FAM227B: variants seen among roughly 807,000 people sequenced by gnomAD.
The protein encoded by FAM227B is protein FAM227B.
Under a neutral mutation model 73.8 loss-of-function variants are expected in FAM227B, and 88 were observed. The observed-to-expected ratio is 1.19, with a 90% CI of 1.00 to 1.42. The LOEUF is 1.42. FAM227B is among the 40% of genes most tolerant of loss of function. FAM227B has a pLI of 0.00. For synonymous variants in FAM227B, 210 were observed against 190.5 expected (o/e 1.10, Z -0.84); for missense variants, 632 against 590.9 (o/e 1.07, Z -0.72).
intron 13 of FAM227B, chr15:49,354,007 T>G (rs1195104544): frequency 6.6e-6 from 1 of 152,206 alleles, no homozygotes; most frequent in East Asian, 1.9e-4. Flanking sequence ...TAAATAATGG[T>G]AAAAAGAATA....
intron 11 of FAM227B, among the ~76,000 whole-genome samples, chr15:49,392,910 G>C (rs941596941): frequency 6.6e-6 from 1 of 152,126 alleles, no homozygotes; most frequent in African/African-American, 2.4e-5. Flanking sequence ...AATTGGAAGA[G>C]AGAATTTTGA....
At chr15:49,538,706 G>A (rs2070622575) in intron 10 of FAM227B, among the ~76,000 whole-genome samples, 1 of 151,922 alleles carries the variant, frequency 6.6e-6, no homozygotes, top group Non-Finnish European at 1.5e-5. Flanking sequence ...AGAGTTCACA[G>A]ATTCTTTCTT....
intron 13 of FAM227B, among the ~76,000 whole-genome samples, chr15:49,362,401 C>G (rs982394092): frequency 6.6e-6 from 1 of 152,190 alleles, no homozygotes; most frequent in African/African-American, 2.4e-5. Context: ...GTCATGCTTC[C>G]TGTTAAACCT....
intron 10 of FAM227B, among the ~76,000 whole-genome samples, chr15:49,516,219 G>A (rs1005486931): frequency 6.6e-6 from 1 of 152,006 alleles, no homozygotes; most frequent in African/African-American, 2.4e-5. Context: ...CATTCTCCCA[G>A]ACATTCTCAG....
At chr15:49,354,389 G>T (rs1186372784) in intron 13 of FAM227B, among the ~76,000 whole-genome samples, 13 of 152,110 alleles carry the variant, frequency 8.5e-5, no homozygotes, top group African/African-American at 1.7e-4. Flanking sequence ...GTGGGTGCGC[G>T]CACCGTGCGT....
At chr15:49,466,747 G>C (rs914111416) in intron 11 of FAM227B, among the ~76,000 whole-genome samples, 2 of 152,066 alleles carry the variant, frequency 1.3e-5, no homozygotes, top group Admixed American at 1.3e-4. Context: ...ATATAGAGAG[G>C]AAACATAATT....
At chr15:49,543,768 CT>C (rs2071419313) in intron 9 of FAM227B, among the ~76,000 whole-genome samples, 1 of 152,154 alleles carries the variant, frequency 6.6e-6, no homozygotes, top group South Asian at 2.1e-4. Flanking sequence ...CCTTTTCCCA[CT>C]TTATGTTTTT....
intron 10 of FAM227B, among the ~76,000 whole-genome samples, chr15:49,525,893 A>G (rs2060166083): frequency 6.6e-6 from 1 of 151,666 alleles, no homozygotes; most frequent in African/African-American, 2.4e-5. Flanking sequence ...TGGAGCACAA[A>G]GATTCATAAA....
At chr15:49,347,995 G>A (rs2041755589) in intron 13 of FAM227B, among the ~76,000 whole-genome samples, 1 of 146,700 alleles carries the variant, frequency 6.8e-6, no homozygotes, top group African/African-American at 2.5e-5. Flanking sequence ...CTCCAGCCTG[G>A]GTGACAAGAG....
chr15:49,463,399 CA>C (rs1254001652), intron 11 of FAM227B, among the ~76,000 whole-genome samples: 4 of 151,824 alleles, frequency 2.6e-5, no homozygotes, highest in African/African-American at 9.7e-5. Flanking sequence ...ACTAAAAATA[CA>C]AAAATTACCT....
At chr15:49,510,882 C>A (rs1376556600) in intron 10 of FAM227B, among the ~76,000 whole-genome samples, 1 of 151,978 alleles carries the variant, frequency 6.6e-6, no homozygotes, top group East Asian at 1.9e-4. Context: ...AGACATTGTT[C>A]CATTCTCTTC....
intron 11 of FAM227B, among the ~76,000 whole-genome samples, chr15:49,476,232 G>GTTTTTTTTTTTTATTTTTTTTTTTTTTT (rs2055281658): frequency 1.7e-5 from 1 of 57,440 alleles, no homozygotes; most frequent in Non-Finnish European, 3.6e-5. Context: ...TTTGTTTTTG[G>GTTTTTTTTTTTTATTTTTTTTTTTTTTT]TTTTTTTTTT....
rs563566987 is a variant in FAM227B, at chr15:49,524,058, G to A, written c.875-15710C>T. 6.6e-5 allele frequency among the ~76,000 whole-genome samples: 10 copies of A among 152,324 alleles called. No individual in the cohort carries two copies. The South Asian group carries it at 1.5e-3, about 22-fold the overall frequency. On this transcript the variant is annotated intron_variant, in intron 10 of 15. Coordinates refer to ENST00000299338, the MANE Select transcript of FAM227B (RefSeq NM_152647.3). ...TGCAGCCTGATTATGCGACAGAAACGAAAATCCCATTTTCTGAGGAGAAAT... is the reference window on the plus strand; with the variant it reads ...TGCAGCCTGATTATGCGACAGAAACAAAAATCCCATTTTCTGAGGAGAAAT...
intron 11 of FAM227B, among the ~76,000 whole-genome samples, chr15:49,497,832 A>G (rs1052666646): frequency 4.6e-5 from 7 of 152,216 alleles, no homozygotes; most frequent in Admixed American, 4.6e-4. Context: ...AGGTTTAGAA[A>G]TTCTGGCCCA....
chr15:49,613,276 A>T (rs970187201), intron 2 of FAM227B, among the ~76,000 whole-genome samples: 10 of 152,220 alleles, frequency 6.6e-5, no homozygotes, highest in African/African-American at 2.4e-4. Context: ...GCACTTTGGG[A>T]GGCCAAGGCA....
intron 9 of FAM227B, among the ~76,000 whole-genome samples, chr15:49,555,168 A>G (rs894848195): frequency 1.3e-5 from 2 of 152,132 alleles, no homozygotes; most frequent in Non-Finnish European, 2.9e-5. Context: ...TTGCTTTATA[A>G]TGTTGTTGGT....
intron 11 of FAM227B, 75 bp from the exon 12 acceptor site, chr15:49,371,474 C>T (rs1336007479): frequency 1.9e-5 from 16 of 831,772 alleles, no homozygotes; most frequent in South Asian, 8.3e-5. Flanking sequence ...ATACCTCTTT[C>T]GCCTTTTAAC....
At chr15:49,527,008 G>T (rs936607553) in intron 10 of FAM227B, among the ~76,000 whole-genome samples, 37 of 151,558 alleles carry the variant, frequency 2.4e-4, no homozygotes, top group African/African-American at 8.5e-4. Flanking sequence ...AAAACATCAA[G>T]GAGGAGGGAA....
At chr15:49,541,201 TAG>T (rs764539175) in intron 10 of FAM227B, among the ~76,000 whole-genome samples, 1 of 152,104 alleles carries the variant, frequency 6.6e-6, no homozygotes, top group African/African-American at 2.4e-5. Context: ...TGTTCTAGGA[TAG>T]AGTTTTGCTT....
Sources: gnomAD v4.1 joint callset for allele counts (sites outside exome capture counted in the v4.1 genomes callset) on GRCh38, gnomAD v4.1.1 for gene constraint, MANE v1.5 for transcripts, NCBI Gene and HGNC (gene_info 2026-07-23, HGNC 2026-07-21) for gene names.